The following RAPGEF6 variants were observed in gnomAD, a reference collection of about 807,000 sequenced individuals.
RAPGEF6 encodes the protein PDZ domain containing guanine nucleotide exchange factor (GEF) 2.
Under a neutral mutation model 171.4 loss-of-function variants are expected in RAPGEF6, and 56 were observed. The observed-to-expected ratio is 0.33, with a 90% CI of 0.26 to 0.41. The LOEUF is 0.41. RAPGEF6 is among the 10% of genes least tolerant of loss of function. RAPGEF6 has a pLI of 1.00. For synonymous variants in RAPGEF6, 692 were observed against 650.1 expected, an observed-to-expected ratio of 1.06 and a Z score of -0.98; for missense variants, 1,674 against 1,921.4, an observed-to-expected ratio of 0.87 and a Z score of 2.41.
Position 131,455,828 on chromosome 5 carries a change from T to C in RAPGEF6, c.3049A>G (p.Lys1017Glu). The C allele has an allele frequency of 6.2e-7, 1 of 1,613,162 alleles. No individual in the cohort carries two copies. The highest frequency in any genetic ancestry group is 1.1e-5 in the South Asian group (1 of 91,064). Residue 1017 changes from lysine to glutamate, a missense_variant, in exon 20 of 28, where the codon AAG becomes GAG. Lys to Glu is a moderately conservative substitution (Grantham distance 56). Around this residue, in one of 3 missense-constraint regions of RAPGEF6, gnomAD observed 1,116 missense variants for 1,321.5 expected, o/e 0.84. Transcript: ENST00000509018. Reference sequence around the variant, plus strand: ...TCATGTAGAAATGTCATATCTTTCTTGACAACAGGGAAGAGTGGAATAATT... The same window carrying C: ...TCATGTAGAAATGTCATATCTTTCTCGACAACAGGGAAGAGTGGAATAATT... The part of the protein sequence containing the change: ...PPIIPLFPVV[K>E]KDMTFLHEGN...
In RAPGEF6 at chr5:131,426,453, T is replaced by C. The variant is rs1751396248; in HGVS notation, c.*813A>G. ...GCATAACTTTCACTTAAGGAAGAAT[T>C]TGTATACATGTCATTTAACATCAAA... On this transcript the variant is annotated 3_prime_UTR_variant, in exon 28 of 28. Transcript: ENST00000509018. 1 of 152,328 alleles carries C rather than the reference T, an allele frequency of 6.6e-6. No individual in the cohort carries two copies. Among genetic ancestry groups the C allele is most frequent in the African/African-American group, 2.4e-5 (1 of 41,448 alleles). The allele number at this position is 152,328 out of a possible 1,614,324, so 9.4% of individuals were successfully genotyped here.
At chr5:131,463,903 A>G in intron 18 of RAPGEF6, 138 bp downstream of exon 18, 6 of 1,405,982 alleles carry the variant, frequency 4.3e-6, no homozygotes, top group African/African-American at 1.4e-5. Context: ...GAGTGACAAG[A>G]TATTTTATCA....
chr5:131,613,540 AGATG>A (rs1580677892), intron 1 of RAPGEF6, among the ~76,000 whole-genome samples: 1 of 152,300 alleles, frequency 6.6e-6, no homozygotes. Flanking sequence ...TTTGTGGCCC[AGATG>A]GTTTTTTATC....
chr5:131,536,757 T>A (rs1352156708), intron 6 of RAPGEF6, among the ~76,000 whole-genome samples: 3 of 152,188 alleles, frequency 2.0e-5, no homozygotes, highest in Admixed American at 2.0e-4. Context: ...AGCATCTTCA[T>A]ACCTGCACAA....
chr5:131,452,437 A>C (rs1050781325), intron 21 of RAPGEF6, among the ~76,000 whole-genome samples: 1 of 148,214 alleles, frequency 6.7e-6, no homozygotes, highest in Non-Finnish European at 1.5e-5. Context: ...ATAAAAACTT[A>C]TATACAAATG....
chr5:131,473,364 A>G (rs1754883322), intron 16 of RAPGEF6, among the ~76,000 whole-genome samples: 1 of 152,238 alleles, frequency 6.6e-6, no homozygotes, highest in Non-Finnish European at 1.5e-5. Context: ...TTATTTAAGC[A>G]AACAAAATAT....
chr5:131,584,551 A>G (rs1763138194), intron 4 of RAPGEF6, among the ~76,000 whole-genome samples: 1 of 152,242 alleles, frequency 6.6e-6, no homozygotes, highest in Non-Finnish European at 1.5e-5. Flanking sequence ...AGCTGTAGAC[A>G]TAAATGATTA....
In RAPGEF6 at chr5:131,424,996, C is replaced by G. The variant is rs953504821; in HGVS notation, c.*2270G>C. On this transcript the variant is annotated 3_prime_UTR_variant, in exon 28 of 28. Transcript: ENST00000509018. ...AAACTAAGAGAAGGCAGGAATGTAC[C>G]CTTAGTTAAAATATAAAAATCAAAA... is the stretch of plus-strand genomic sequence containing the variant. The G allele has an allele frequency of 7.9e-5, 12 of 152,212 alleles. No individual in the cohort carries two copies. Among genetic ancestry groups the G allele is most frequent in the African/African-American group, 2.9e-4 (12 of 41,408 alleles). 9.4% of individuals were successfully genotyped at this position (152,212 alleles called of 1,614,324 possible).
chr5:131,483,594 G>T (rs1755649896), intron 15 of RAPGEF6, among the ~76,000 whole-genome samples: 1 of 152,010 alleles, frequency 6.6e-6, no homozygotes, highest in African/African-American at 2.4e-5. Flanking sequence ...TAATAAAACT[G>T]ACTACATAAA....
chr5:131,569,213 T>G (rs965686191), intron 4 of RAPGEF6, among the ~76,000 whole-genome samples: 4 of 152,188 alleles, frequency 2.6e-5, no homozygotes, highest in African/African-American at 9.6e-5. Flanking sequence ...ACGGTATAAA[T>G]TGACAAGCAA....
intron 16 of RAPGEF6, among the ~76,000 whole-genome samples, chr5:131,474,601 T>C (rs1230435128): frequency 6.6e-6 from 1 of 152,112 alleles, no homozygotes; most frequent in Non-Finnish European, 1.5e-5. Flanking sequence ...CAGTCTAATT[T>C]GACAGATAAA....
At chr5:131,485,275 A>G (rs559890926) in intron 15 of RAPGEF6, among the ~76,000 whole-genome samples, 118 of 152,316 alleles carry the variant, frequency 7.7e-4, no homozygotes, top group South Asian at 6.6e-3. Flanking sequence ...GCCAAGAGGA[A>G]TAAGTTAAAA....
intron 15 of RAPGEF6, among the ~76,000 whole-genome samples, chr5:131,488,648 G>A (rs954482165): frequency 1.3e-5 from 2 of 151,972 alleles, no homozygotes; most frequent in African/African-American, 4.8e-5. Flanking sequence ...AAAACCCCAC[G>A]TTTCATTTTT....
chr5:131,436,247 C>G, intron 24 of RAPGEF6: 2 of 1,537,522 alleles, frequency 1.3e-6, no homozygotes, highest in East Asian at 2.4e-5. Flanking sequence ...TCCTCAGTGG[C>G]CTTCTCAGTA....
rs555634892 is a variant in RAPGEF6, at chr5:131,504,808, T to C, written c.1102-30A>G. 2.7e-4 allele frequency: 422 copies of C among 1,592,162 alleles called. 4 individuals carry two copies. The South Asian group carries it at 4.4e-3, about 16-fold the overall frequency. On this transcript the variant is annotated intron_variant, in intron 10 of 27. Transcript: ENST00000509018. Reference sequence around the variant, plus strand: ...CCAAGAACAACATGGGGACAGTTAATGAACCTATAGTACATAAATATATCA... The same window carrying C: ...CCAAGAACAACATGGGGACAGTTAACGAACCTATAGTACATAAATATATCA...
intron 6 of RAPGEF6, among the ~76,000 whole-genome samples, chr5:131,541,275 A>G (rs1433975298): frequency 6.6e-6 from 1 of 152,222 alleles, no homozygotes. Flanking sequence ...ACTTTGTCAG[A>G]AGAGCATGAC....
rs1295018881 is a variant in RAPGEF6, at chr5:131,604,604, A to T, written c.140+19T>A. On this transcript the variant is annotated intron_variant, in intron 2 of 27. Coordinates refer to ENST00000509018, the MANE Select transcript of RAPGEF6 (RefSeq NM_016340.6). ...AATGGCTATACAGCGTGTGCTCTTA[A>T]ATACAGAACGACACTTACCTAAGCT... 1 of 1,608,528 alleles carries T rather than the reference A, an allele frequency of 6.2e-7. No individual in the cohort carries two copies. Among genetic ancestry groups the T allele is most frequent in the East Asian group, 2.2e-5 (1 of 44,804 alleles).
chr5:131,574,307 T>C (rs1762474880), intron 4 of RAPGEF6, among the ~76,000 whole-genome samples: 2 of 152,164 alleles, frequency 1.3e-5, no homozygotes, highest in South Asian at 4.1e-4. Flanking sequence ...GGCCAACTCC[T>C]TCCCAGATCT....
At chr5:131,467,076 G>T (rs1202005602) in intron 17 of RAPGEF6, among the ~76,000 whole-genome samples, 1 of 152,144 alleles carries the variant, frequency 6.6e-6, no homozygotes, top group Non-Finnish European at 1.5e-5. Flanking sequence ...GAGATGTTCT[G>T]ATACCTTTTA....
Sources: allele counts gnomAD v4.1 joint callset (sites outside exome capture counted in the v4.1 genomes callset), GRCh38; gene constraint gnomAD v4.1.1; regional missense constraint gnomAD v4.1.1; transcripts MANE v1.5; gene names NCBI Gene and HGNC (gene_info 2026-07-23, HGNC 2026-07-21).